The following KIAA1217 variants were observed in gnomAD, a reference collection of about 807,000 sequenced individuals.
The protein encoded by KIAA1217 is KIAA1217.
Under a neutral mutation model 163.9 loss-of-function variants are expected in KIAA1217, and 88 were observed. The observed-to-expected ratio is 0.54, with a 90% confidence interval of 0.45 to 0.64. The LOEUF (loss-of-function observed/expected upper bound fraction) is 0.64. Ranked by LOEUF, KIAA1217 falls within the 30% of genes least tolerant of loss-of-function variation. The pLI, the probability that KIAA1217 is intolerant of heterozygous loss-of-function variation, is 0.00. For missense variants in KIAA1217, 2,372 were observed against 2,475.0 expected (o/e 0.96, Z 0.88); for synonymous variants, 903 against 923.1 (o/e 0.98, Z 0.39).
chr10:24,286,528 T>A (rs1285150228), intron 2 of KIAA1217, among the ~76,000 whole-genome samples: 1 of 151,880 alleles, frequency 6.6e-6, no homozygotes, highest in Non-Finnish European at 1.5e-5. Context: ...AGACCGGGAC[T>A]TGACTTTGAG....
chr10:23,800,419 A>G lies in KIAA1217; in HGVS notation c.-321+105185A>G, dbSNP rs1836415566. ...CCCTGTGGACCTGTGCTTTCGCTGG[A>G]GCTGGACCTGAGATGGTGCCCAGCT... On this transcript the variant is annotated intron_variant, in intron 1 of 18. Transcript: ENST00000376462. Among the ~76,000 whole-genome samples, 4 of 152,210 alleles carry G rather than the reference A, an allele frequency of 2.6e-5. No homozygotes were observed. In the South Asian group the frequency reaches 8.3e-4, roughly 32 times the overall value.
At chr10:24,310,309 G>A (rs1268066432) in intron 2 of KIAA1217, among the ~76,000 whole-genome samples, 1 of 152,184 alleles carries the variant, frequency 6.6e-6, no homozygotes, top group South Asian at 2.1e-4. Context: ...AACTCGATGA[G>A]GTAAGTGCTA....
chr10:24,349,664 C>T (rs929495224), intron 2 of KIAA1217, among the ~76,000 whole-genome samples: 1 of 152,146 alleles, frequency 6.6e-6, no homozygotes, highest in Non-Finnish European at 1.5e-5. Context: ...GGATTGTAAA[C>T]ATTAGAAAGT....
At chr10:24,370,811 T>A (rs1197175485) in intron 2 of KIAA1217, among the ~76,000 whole-genome samples, 1 of 152,198 alleles carries the variant, frequency 6.6e-6, no homozygotes, top group Non-Finnish European at 1.5e-5. Flanking sequence ...ACTCCTGGCT[T>A]CATTTATCCT....
At chr10:24,147,883 GA>G (rs1307328724) in intron 2 of KIAA1217, among the ~76,000 whole-genome samples, 1 of 57,122 alleles carries the variant, frequency 1.8e-5, no homozygotes, top group Admixed American at 1.6e-4. Flanking sequence ...GAAAAGAAAA[GA>G]AAAATGAACT....
intron 2 of KIAA1217, among the ~76,000 whole-genome samples, chr10:24,327,921 G>C (rs960075067): frequency 3.9e-5 from 6 of 152,146 alleles, no homozygotes; most frequent in African/African-American, 1.2e-4. Flanking sequence ...CCAGGCCCGG[G>C]ATTCTGGGTC....
At chr10:23,912,404 T>TA (rs71506819) in intron 1 of KIAA1217, among the ~76,000 whole-genome samples, 65,365 of 151,516 alleles carry the variant, frequency 0.43, 16,928 homozygotes, top group African/African-American at 0.73. Context: ...TGCGTAGTGG[T>TA]AAGTCTGGGC....
At chr10:24,153,163 C>T (rs2064702309) in intron 2 of KIAA1217, among the ~76,000 whole-genome samples, 1 of 152,186 alleles carries the variant, frequency 6.6e-6, no homozygotes, top group African/African-American at 2.4e-5. Flanking sequence ...TGTTTCGCTC[C>T]TGGGTTGATT....
At chr10:24,368,724 A>T in intron 2 of KIAA1217, 1 of 291,846 alleles carries the variant, frequency 3.4e-6, no homozygotes, top group Non-Finnish European at 5.1e-6. Context: ...TGGATCCATT[A>T]AAGGTTTGTT....
chr10:23,957,351 A>G (rs1589141124), intron 1 of KIAA1217, among the ~76,000 whole-genome samples: 1 of 152,084 alleles, frequency 6.6e-6, no homozygotes, highest in Non-Finnish European at 1.5e-5. Context: ...TGCCTGCACA[A>G]CTTTTCACCC....
intron 2 of KIAA1217, among the ~76,000 whole-genome samples, chr10:24,350,944 C>CT (rs370236759): frequency 5.9e-4 from 87 of 148,362 alleles, no homozygotes; most frequent in African/African-American, 1.7e-3. Context: ...GATTATGCAT[C>CT]TTTTTTTTTT....
chr10:24,374,394 T>TTG (rs1281771378), intron 2 of KIAA1217, among the ~76,000 whole-genome samples: 1 of 152,118 alleles, frequency 6.6e-6, no homozygotes, highest in East Asian at 1.9e-4. Context: ...ACACTCGATT[T>TTG]TGTGTGTGTG....
intron 2 of KIAA1217, among the ~76,000 whole-genome samples, chr10:24,313,841 T>C (rs1456126228): frequency 1.4e-5 from 2 of 145,784 alleles, no homozygotes; most frequent in African/African-American, 2.5e-5. Flanking sequence ...ATCCATCTGG[T>C]TGTTTTTTTT....
chr10:24,229,034 C>T (rs1164419988), intron 2 of KIAA1217, among the ~76,000 whole-genome samples: 4 of 152,258 alleles, frequency 2.6e-5, no homozygotes, highest in East Asian at 1.9e-4. Context: ...AGGGAATAAA[C>T]GTACTACCCT....
rs908492411 is a variant in KIAA1217 at position 24,232,935 on chromosome 10, C to CAAAA, written c.354+13050_354+13053dup. 1.5e-3 allele frequency among the ~76,000 whole-genome samples: 85 copies of CAAAA among 56,280 alleles called. 6 individuals carry two copies. Among genetic ancestry groups the CAAAA allele is most frequent in the African/African-American group, 2.4e-3 (32 of 13,544 alleles). 36.9% of individuals were successfully genotyped at this position (56,280 alleles called of 152,430 possible). A position where few individuals can be genotyped will look rare whatever the true frequency, so the allele number is the denominator to read the frequency against. On this transcript the variant is annotated intron_variant, in intron 2 of 20. Coordinates refer to ENST00000376454, the MANE Select transcript of KIAA1217 (RefSeq NM_019590.5). ...GCAACATGGTAAAACCTTATCTCTA[C>CAAAA]AAAAAAAAAAAAAAAAAAAAAAAAA...
Position 24,501,396 on chromosome 10 carries a change from G to T in KIAA1217, c.1852G>T (p.Gly618Cys). ...TDSAGTPHVS[G>C]GKMLSALEST... is the part of the protein sequence containing the mutation. ...TCTCATAGGAACGCCCCATGTGTCTGGTGGGAAGATGCTCAGTGCTCTGGA... is the reference window on the plus strand; with the variant it reads ...TCTCATAGGAACGCCCCATGTGTCTTGTGGGAAGATGCTCAGTGCTCTGGA... The change falls in exon 9 of 21, where the codon GGT becomes TGT. Residue 618 changes from glycine (G) to cysteine (C), a missense_variant. Gly to Cys is a radical substitution (Grantham distance 159, BLOSUM62 -3). Around this residue, in one of 3 missense-constraint regions of KIAA1217, gnomAD observed 1,431 missense variants for 1,470.3 expected, o/e 0.97. Transcript: ENST00000376454. The T allele has an allele frequency of 6.2e-7, 1 of 1,610,534 alleles. No homozygotes were observed. The highest frequency in any genetic ancestry group is 8.5e-7 in the Non-Finnish European group (1 of 1,177,220).
intron 2 of KIAA1217, among the ~76,000 whole-genome samples, chr10:24,306,677 C>T (rs918192194): frequency 6.6e-6 from 1 of 152,230 alleles, no homozygotes; most frequent in African/African-American, 2.4e-5. Flanking sequence ...ATACTTTCAA[C>T]AGCAGCAGCA....
intron 6 of KIAA1217, among the ~76,000 whole-genome samples, chr10:24,475,488 T>A (rs1348184293): frequency 6.6e-6 from 1 of 152,154 alleles, no homozygotes; most frequent in African/African-American, 2.4e-5. Flanking sequence ...AGCAGAAAGA[T>A]TCCAGGAGAC....
At chr10:24,071,836 T>G (rs1174821462) in intron 2 of KIAA1217, among the ~76,000 whole-genome samples, 2 of 152,128 alleles carry the variant, frequency 1.3e-5, no homozygotes, top group Non-Finnish European at 2.9e-5. Context: ...TGGGGAACTA[T>G]AACACAGAGG....
Sources: gnomAD v4.1 joint callset for allele counts (sites outside exome capture counted in the v4.1 genomes callset) on GRCh38, gnomAD v4.1.1 for gene constraint, gnomAD v4.1.1 regional missense constraint, MANE v1.5 for transcripts, NCBI Gene and HGNC (gene_info 2026-07-23, HGNC 2026-07-21) for gene names.